Variants in SVIL observed in about 807,000 individuals in gnomAD.
The protein encoded by SVIL is supervillin, also known as archvillin.
SVIL carries 101 observed loss-of-function variants against 240.4 expected under a neutral mutation model. The observed-to-expected ratio is 0.42, with a 90% CI of 0.36 to 0.50. The LOEUF (loss-of-function observed/expected upper bound fraction) is 0.50. SVIL is among the 20% of genes least tolerant of loss of function. The pLI, the probability that SVIL is intolerant of heterozygous loss-of-function variation, is 0.01. For synonymous variants in SVIL, 999 were observed against 1,100.0 expected (o/e 0.91, Z 1.82); for missense variants, 2,512 against 2,818.7 (o/e 0.89, Z 2.46).
intron 26 of SVIL, 104 bp downstream of exon 26, chr10:29,485,981 C>A (rs748582818): frequency 1.2e-4 from 168 of 1,355,572 alleles, no homozygotes; most frequent in Non-Finnish European, 1.7e-4. Flanking sequence ...GATACCGACA[C>A]TGGCTAACCT....
At chr10:29,702,175 C>CAAAAAAA (rs60338711) in intron 1 of SVIL, among the ~76,000 whole-genome samples, 25 of 61,550 alleles carry the variant, frequency 4.1e-4, no homozygotes, top group African/African-American at 4.1e-4. Context: ...ACTCCATCTC[C>CAAAAAAA]AAAAAAAAAA....
chr10:29,543,841 G>C (rs1444079964), intron 6 of SVIL, among the ~76,000 whole-genome samples: 1 of 152,176 alleles, frequency 6.6e-6, no homozygotes, highest in Admixed American at 6.5e-5. Context: ...ATGGAATCTT[G>C]GGGTGAGCCA....
intron 23 of SVIL, 148 bp downstream of exon 23, chr10:29,488,453 G>A: frequency 1.1e-6 from 1 of 905,820 alleles, no homozygotes; most frequent in Non-Finnish European, 1.5e-6. Flanking sequence ...AGAGACAGGA[G>A]GTTGCATAGC....
chr10:29,578,692 C>T (rs936833611), intron 1 of SVIL, among the ~76,000 whole-genome samples: 6 of 152,206 alleles, frequency 3.9e-5, no homozygotes, highest in East Asian at 1.9e-4. Context: ...AGAGACAGCA[C>T]GTGATGCACA....
chr10:29,562,678 T>C (rs1473523891), intron 3 of SVIL, among the ~76,000 whole-genome samples: 1 of 149,380 alleles, frequency 6.7e-6, no homozygotes, highest in Non-Finnish European at 1.5e-5. Flanking sequence ...GGAGAATCAC[T>C]TGAACCTGGG....
At chr10:29,531,364 A>G in intron 9 of SVIL, 76 bp from the exon 10 acceptor site, 1 of 1,356,146 alleles carries the variant, frequency 7.4e-7, no homozygotes. Flanking sequence ...CATCATACTG[A>G]AAGTAAAAAT....
intron 1 of SVIL, among the ~76,000 whole-genome samples, chr10:29,633,363 A>G (rs562806882): frequency 7.2e-5 from 11 of 152,252 alleles, no homozygotes; most frequent in African/African-American, 2.2e-4. Context: ...GTTTTACTCA[A>G]CAGGGGATAC....
chr10:29,622,529 C>T (rs889933547), intron 1 of SVIL, among the ~76,000 whole-genome samples: 3 of 152,156 alleles, frequency 2.0e-5, no homozygotes, highest in African/African-American at 7.2e-5. Context: ...AACTTTGGCA[C>T]AGTTCGCTGG....
intron 17 of SVIL, chr10:29,508,616 G>T: frequency 2.8e-6 from 1 of 353,048 alleles, no homozygotes; most frequent in Non-Finnish European, 5.6e-6. Context: ...TCCCATCCTC[G>T]CACTTTAAAG....
Position 29,613,477 on chromosome 10 carries a change from T to C in SVIL, c.-201+20943A>G, listed in dbSNP as rs550674836. ...CCTTGCAAAGTGCTGGGATTACAAG[T>C]GCATATTACCATGCCCAGCCACTTA... is the stretch of plus-strand genomic sequence containing the variant. On this transcript the variant is annotated intron_variant, in intron 1 of 37. Transcript: ENST00000355867. Among the ~76,000 whole-genome samples, 5 of 152,068 alleles carry C rather than the reference T, an allele frequency of 3.3e-5. No individual in the cohort carries two copies. The East Asian group carries it at 9.7e-4, about 29-fold the overall frequency.
chr10:29,508,396 G>T, intron 17 of SVIL: 1 of 1,289,414 alleles, frequency 7.8e-7, no homozygotes, highest in African/African-American at 1.5e-5. Flanking sequence ...CTTCCTACAG[G>T]TTAAAACAAA....
intron 1 of SVIL, among the ~76,000 whole-genome samples, chr10:29,618,351 T>G (rs981712243): frequency 1.3e-5 from 2 of 152,208 alleles, no homozygotes; most frequent in African/African-American, 4.8e-5. Context: ...CACCGTCTTT[T>G]CTGACTACAA....
At chr10:29,568,787 G>GTGGA (rs10667163) in intron 2 of SVIL, among the ~76,000 whole-genome samples, 60,160 of 139,520 alleles carry the variant, frequency 0.43, 12,165 homozygotes, top group Admixed American at 0.48. Flanking sequence ...GGGTGGATGG[G>GTGGA]TGGATGGATG....
At chr10:29,668,970 C>T (rs547553068) in intron 2 of SVIL, among the ~76,000 whole-genome samples, 1 of 152,146 alleles carries the variant, frequency 6.6e-6, no homozygotes, top group East Asian at 1.9e-4. Context: ...GAGTACTGTT[C>T]TAGGCACTAT....
chr10:29,725,146 T>A (rs1453318014), intron 1 of SVIL, among the ~76,000 whole-genome samples: 1 of 151,780 alleles, frequency 6.6e-6, no homozygotes, highest in Non-Finnish European at 1.5e-5. Context: ...TCTTTCTACT[T>A]GCCTGCTATC....
intron 1 of SVIL, among the ~76,000 whole-genome samples, chr10:29,611,365 C>T (rs1248633323): frequency 6.6e-6 from 1 of 151,866 alleles, no homozygotes; most frequent in African/African-American, 2.4e-5. Flanking sequence ...GGTATGGCCA[C>T]AGCTCTAGCC....
intron 5 of SVIL, among the ~76,000 whole-genome samples, chr10:29,551,500 A>G (rs1357538556): frequency 6.6e-6 from 1 of 152,236 alleles, no homozygotes; most frequent in Non-Finnish European, 1.5e-5. Context: ...AAGCCCCGTA[A>G]GGCGTGGCTT....
At chr10:29,723,196 C>A (rs1964091707) in intron 1 of SVIL, among the ~76,000 whole-genome samples, 1 of 152,160 alleles carries the variant, frequency 6.6e-6, no homozygotes, top group African/African-American at 2.4e-5. Flanking sequence ...ATAGTGAGAC[C>A]TTGTCTCTTC....
At chr10:29,584,223 G>A (rs530457223) in intron 1 of SVIL, among the ~76,000 whole-genome samples, 68 of 152,334 alleles carry the variant, frequency 4.5e-4, no homozygotes, top group African/African-American at 1.4e-3. Context: ...TAACCGGGGC[G>A]TGGGCTTAAA....
Sources: allele counts gnomAD v4.1 joint callset (sites outside exome capture counted in the v4.1 genomes callset), GRCh38; gene constraint gnomAD v4.1.1; transcripts MANE v1.5; gene names NCBI Gene and HGNC (gene_info 2026-07-23, HGNC 2026-07-21).